PTPN4: variants seen among roughly 807,000 people sequenced by gnomAD.
PTPN4 encodes tyrosine-protein phosphatase non-receptor type 4.
PTPN4 carries 49 observed loss-of-function variants against 135.5 expected under a neutral mutation model. The ratio of observed to expected loss-of-function variants is 0.36; its 90% CI spans 0.29 to 0.46. The LOEUF is 0.46. Ranked by LOEUF, PTPN4 falls within the 20% of genes least tolerant of loss-of-function variation. The pLI is 1.00. For missense variants in PTPN4, 860 were observed against 1,101.0 expected (o/e 0.78, Z 3.10); for synonymous variants, 333 against 369.9 (o/e 0.90, Z 1.14).
At chr2:119,921,731 G>A (rs1202309335) in intron 12 of PTPN4, among the ~76,000 whole-genome samples, 5 of 151,484 alleles carry the variant, frequency 3.3e-5, no homozygotes, top group Admixed American at 2.0e-4. Flanking sequence ...TATAATGAAA[G>A]TCAAGGAAAA....
chr2:119,946,665 T>C (rs777556568), intron 18 of PTPN4, 91 bp downstream of exon 18: 2 of 1,037,738 alleles, frequency 1.9e-6, no homozygotes, highest in Non-Finnish European at 2.8e-6. Flanking sequence ...ACAAGGAATT[T>C]CATCATTTCT....
intron 2 of PTPN4, among the ~76,000 whole-genome samples, chr2:119,824,287 G>A (rs955166281): frequency 6.6e-6 from 1 of 152,156 alleles, no homozygotes; most frequent in Non-Finnish European, 1.5e-5. Context: ...TTTTGGGGGG[G>A]AGGCAGGGCG....
intron 10 of PTPN4, among the ~76,000 whole-genome samples, chr2:119,905,325 G>A (rs1394123913): frequency 6.6e-6 from 1 of 152,092 alleles, no homozygotes; most frequent in African/African-American, 2.4e-5. Context: ...GAAACCAAGA[G>A]CGTACAGAAG....
At chr2:119,897,866 A>G (rs186396545) in intron 9 of PTPN4, among the ~76,000 whole-genome samples, 38 of 152,314 alleles carry the variant, frequency 2.5e-4, no homozygotes, top group Non-Finnish European at 4.0e-4. Context: ...CAAATAACGT[A>G]TTTGATAAGT....
chr2:119,939,678 T>A, intron 15 of PTPN4, among the ~76,000 whole-genome samples: 1 of 152,122 alleles, frequency 6.6e-6, no homozygotes, highest in Non-Finnish European at 1.5e-5. Context: ...ATCTAATGAA[T>A]CTCCGCAGCT....
At chr2:119,908,913 G>A (rs1298994061) in intron 10 of PTPN4, among the ~76,000 whole-genome samples, 1 of 152,152 alleles carries the variant, frequency 6.6e-6, no homozygotes, top group Non-Finnish European at 1.5e-5. Context: ...TCTTAGTGGT[G>A]TGGATACATG....
intron 7 of PTPN4, 137 bp from the exon 8 acceptor site, chr2:119,882,366 C>T: frequency 9.6e-7 from 1 of 1,040,196 alleles, no homozygotes; most frequent in Non-Finnish European, 1.4e-6. Flanking sequence ...AAATGGATTG[C>T]TGTGGCTTGC....
intron 2 of PTPN4, among the ~76,000 whole-genome samples, chr2:119,810,525 C>T (rs907728595): frequency 6.6e-6 from 1 of 152,116 alleles, no homozygotes; most frequent in African/African-American, 2.4e-5. Context: ...CTCTGTAGTA[C>T]CCTTTTGTAT....
At chr2:119,901,338 A>T (rs1033851425) in intron 10 of PTPN4, among the ~76,000 whole-genome samples, 19 of 152,328 alleles carry the variant, frequency 1.2e-4, no homozygotes, top group African/African-American at 4.3e-4. Flanking sequence ...ATAAATAATA[A>T]CAGGGAATCA....
rs1025509877 is a variant in PTPN4 at position 119,977,143 on chromosome 2, G to A, written c.*73G>A. ...TGTTCACTGTGCCATAATGCTGCTC[G>A]CAGGAAATGGCATTTTACAAAAAAA... On this transcript the variant is annotated 3_prime_UTR_variant, in exon 27 of 27. Transcript: ENST00000263708. 22 of 1,399,212 alleles carry A rather than the reference G, an allele frequency of 1.6e-5. No individual in the cohort carries two copies. Among genetic ancestry groups the A allele is most frequent in the East Asian group, 8.1e-5 (3 of 37,092 alleles). 86.7% of individuals were successfully genotyped at this position (1,399,212 alleles called of 1,614,324 possible). A position where few individuals can be genotyped will look rare whatever the true frequency, so the allele number is the denominator to read the frequency against.
rs1679673452 is a variant in PTPN4, at chr2:119,980,338, G to A, written c.*3268G>A. ...TATTTTAACTTCTGGGTTATCATCT[G>A]CTGGCAGGGTCTGATCAGGTCTAGA... On this transcript the variant is annotated 3_prime_UTR_variant, in exon 27 of 27. Transcript: ENST00000263708. The A allele has an allele frequency of 6.6e-6, 1 of 152,062 alleles. No homozygotes were observed. The allele number at this position is 152,062 out of a possible 1,614,324, so 9.4% of individuals were successfully genotyped here.
chr2:119,860,964 G>A (rs560012826), intron 2 of PTPN4, among the ~76,000 whole-genome samples: 8 of 151,666 alleles, frequency 5.3e-5, no homozygotes, highest in Admixed American at 3.9e-4. Flanking sequence ...TCGCTTGAAC[G>A]TGGGAGGCGG....
intron 15 of PTPN4, among the ~76,000 whole-genome samples, chr2:119,943,325 AG>A (rs1188513020): frequency 6.6e-6 from 1 of 152,146 alleles, no homozygotes. Flanking sequence ...GATGTATCCA[AG>A]GGTCACTCTG....
rs1437621364 is a variant in PTPN4 at position 119,977,346 on chromosome 2, G to A, written c.*276G>A. On this transcript the variant is annotated 3_prime_UTR_variant, in exon 27 of 27. Transcript: ENST00000263708. ...GTAATTTATGAAATTTTGTGGTGGT[G>A]CCATGCAATCCCCTTTTGGTAGAAT... 3 of 316,748 alleles carry A rather than the reference G, an allele frequency of 9.5e-6. No individual in the cohort carries two copies. The highest frequency in any genetic ancestry group is 6.6e-5 in the African/African-American group (3 of 45,202). 19.6% of individuals were successfully genotyped at this position (316,748 alleles called of 1,614,324 possible). A position where few individuals can be genotyped will look rare whatever the true frequency, so the allele number is the denominator to read the frequency against.
chr2:119,777,591 A>T (rs192621801), intron 1 of PTPN4, among the ~76,000 whole-genome samples: 20 of 152,320 alleles, frequency 1.3e-4, no homozygotes, highest in African/African-American at 4.3e-4. Context: ...TGCCTAACAC[A>T]TGGACACTTG....
chr2:119,943,772 A>G (rs1407683916), intron 15 of PTPN4, among the ~76,000 whole-genome samples: 1 of 151,518 alleles, frequency 6.6e-6, no homozygotes. Flanking sequence ...TATTTTTAGT[A>G]GAGACAGGGT....
At chr2:119,928,069 T>G (rs560681955) in intron 13 of PTPN4, among the ~76,000 whole-genome samples, 2 of 152,322 alleles carry the variant, frequency 1.3e-5, no homozygotes, top group African/African-American at 4.8e-5. Context: ...TTTCTATGCA[T>G]ATACTCATAG....
chr2:119,790,610 A>G (rs1386118560), intron 1 of PTPN4, among the ~76,000 whole-genome samples: 1 of 152,118 alleles, frequency 6.6e-6, no homozygotes, highest in Non-Finnish European at 1.5e-5. Context: ...AGAGCATATA[A>G]TTGGAGCAGG....
intron 9 of PTPN4, among the ~76,000 whole-genome samples, chr2:119,899,276 T>G (rs1678369649): frequency 6.6e-6 from 1 of 152,204 alleles, no homozygotes; most frequent in South Asian, 2.1e-4. Context: ...TGTTCGGAGT[T>G]AATTACCACA....
Sources: gnomAD v4.1 joint callset for allele counts (sites outside exome capture counted in the v4.1 genomes callset) on GRCh38, gnomAD v4.1.1 for gene constraint, MANE v1.5 for transcripts, NCBI Gene and HGNC (gene_info 2026-07-23, HGNC 2026-07-21) for gene names.